The following PCCA variants were observed in gnomAD, a reference collection of about 807,000 sequenced individuals.
PCCA encodes propionyl-CoA carboxylase subunit alpha, also known as propionyl-CoA carboxylase alpha chain, mitochondrial.
In PCCA, 74 loss-of-function variants were observed where a neutral mutation model predicts 101.3. The observed-to-expected ratio is 0.73, with a 90% confidence interval of 0.61 to 0.89. PCCA has a LOEUF of 0.89. Among genes scored for constraint, PCCA ranks in the 40% least tolerant of loss-of-function variants. The pLI, the probability that PCCA is intolerant of heterozygous loss-of-function variation, is 0.00. For missense variants in PCCA, 891 were observed against 907.0 expected, an observed-to-expected ratio of 0.98 and a Z score of 0.23; for synonymous variants, 294 against 313.6, an observed-to-expected ratio of 0.94 and a Z score of 0.66.
intron 21 of PCCA, among the ~76,000 whole-genome samples, chr13:100,497,960 A>G (rs1435270666): frequency 1.3e-5 from 2 of 151,866 alleles, no homozygotes; most frequent in Admixed American, 6.6e-5. Context: ...ACTTCGAACT[A>G]CCGGGCTCAG....
chr13:100,330,208 T>C (rs1320377412), intron 16 of PCCA, among the ~76,000 whole-genome samples: 4 of 152,184 alleles, frequency 2.6e-5, no homozygotes, highest in Admixed American at 2.6e-4. Flanking sequence ...AACTTATTTC[T>C]CATTGAGAAA....
chr13:100,297,225 T>C (rs2065621531), intron 12 of PCCA, among the ~76,000 whole-genome samples: 1 of 152,216 alleles, frequency 6.6e-6, no homozygotes, highest in Non-Finnish European at 1.5e-5. Context: ...CTGTAGACTT[T>C]CTATTTTCCT....
intron 16 of PCCA, among the ~76,000 whole-genome samples, chr13:100,314,016 T>G (rs1305518330): frequency 6.6e-6 from 1 of 152,142 alleles, no homozygotes; most frequent in Non-Finnish European, 1.5e-5. Context: ...TATCTTGCCG[T>G]CTTTCATATT....
At chr13:100,154,531 A>G (rs41281118) in intron 4 of PCCA, 378 of 229,382 alleles carry the variant, frequency 1.6e-3, no homozygotes, top group Admixed American at 6.3e-3. Flanking sequence ...GATGCTGTGC[A>G]GGGACACTCA....
intron 19 of PCCA, among the ~76,000 whole-genome samples, chr13:100,415,230 A>G (rs1595814709): frequency 9.1e-6 from 1 of 109,342 alleles, no homozygotes; most frequent in Non-Finnish European, 1.9e-5. Flanking sequence ...TAGTGAGACC[A>G]CACCTCTACA....
At chr13:100,471,605 A>G (rs1480560340) in intron 21 of PCCA, among the ~76,000 whole-genome samples, 1 of 152,212 alleles carries the variant, frequency 6.6e-6, no homozygotes, top group Non-Finnish European at 1.5e-5. Context: ...CACAGCAAAC[A>G]TTTCACAGTT....
intron 9 of PCCA, 42 bp downstream of exon 9, chr13:100,257,715 T>C (rs750610000): frequency 7.1e-7 from 1 of 1,400,130 alleles, no homozygotes; most frequent in Admixed American, 1.7e-5. Context: ...AAAATTGCAG[T>C]TACCAGAGTT....
chr13:100,386,825 G>A (rs986725214), intron 19 of PCCA, among the ~76,000 whole-genome samples: 1 of 152,216 alleles, frequency 6.6e-6, no homozygotes, highest in Non-Finnish European at 1.5e-5. Flanking sequence ...GTGAGTTGGG[G>A]AGCTGGAGGG....
intron 6 of PCCA, among the ~76,000 whole-genome samples, chr13:100,194,262 C>T (rs1267229393): frequency 6.6e-6 from 1 of 151,984 alleles, no homozygotes; most frequent in East Asian, 1.9e-4. Flanking sequence ...GGATCAAAAA[C>T]TTGATGCATT....
Position 100,174,718 on chromosome 13 carries a change from A to AC in PCCA, c.468+17382dup, listed in dbSNP as rs1430849093. ...ACTCCAGCCTGGGCAACAAAGCAAG[A>AC]CCCCATCTCAAAAAAAAAAAAAAGA... On this transcript the variant is annotated intron_variant, in intron 6 of 23. Coordinates refer to ENST00000376285, the MANE Select transcript of PCCA (RefSeq NM_000282.4). Among the ~76,000 whole-genome samples the AC allele has an allele frequency of 8.2e-4, 117 of 142,990 alleles. 1 individual carries two copies. Among genetic ancestry groups the AC allele is most frequent in the African/African-American group, 3.0e-3 (116 of 38,504 alleles). The allele number at this position is 142,990 out of a possible 152,430, so 93.8% of individuals were successfully genotyped here.
intron 2 of PCCA, among the ~76,000 whole-genome samples, chr13:100,103,608 C>G (rs562886806): frequency 6.7e-6 from 1 of 149,266 alleles, no homozygotes; most frequent in South Asian, 2.1e-4. Context: ...CACCGTGCAC[C>G]TGGCCTCATT....
At chr13:100,092,781 A>G (rs543879580) in intron 1 of PCCA, among the ~76,000 whole-genome samples, 2 of 152,332 alleles carry the variant, frequency 1.3e-5, no homozygotes, top group African/African-American at 4.8e-5. Flanking sequence ...AATATGGAAA[A>G]GAATGTTTAG....
At chr13:100,206,198 A>G (rs908284951) in intron 6 of PCCA, among the ~76,000 whole-genome samples, 1 of 152,130 alleles carries the variant, frequency 6.6e-6, no homozygotes, top group African/African-American at 2.4e-5. Context: ...ACACCAGCAA[A>G]TTCTAGGCAT....
intron 6 of PCCA, among the ~76,000 whole-genome samples, chr13:100,190,973 T>C (rs760386160): frequency 6.6e-6 from 1 of 152,088 alleles, no homozygotes; most frequent in South Asian, 2.1e-4. Flanking sequence ...GGTGTGCGCC[T>C]GTAGTCCCAG....
At chr13:100,465,534 T>C (rs1299829262) in intron 21 of PCCA, among the ~76,000 whole-genome samples, 2 of 152,236 alleles carry the variant, frequency 1.3e-5, no homozygotes, top group African/African-American at 4.8e-5. Flanking sequence ...CAGTCTGAGT[T>C]ATTTCAAGTC....
chr13:100,242,300 A>G (rs2061188080), intron 8 of PCCA, among the ~76,000 whole-genome samples: 1 of 152,238 alleles, frequency 6.6e-6, no homozygotes, highest in African/African-American at 2.4e-5. Context: ...TTTAAGTCCA[A>G]AACTATTCTA....
intron 21 of PCCA, among the ~76,000 whole-genome samples, chr13:100,472,142 C>T (rs2083067854): frequency 6.6e-6 from 1 of 152,202 alleles, no homozygotes; most frequent in African/African-American, 2.4e-5. Flanking sequence ...CTGGCGGCTC[C>T]ACCCGTCCTT....
At chr13:100,107,082 A>G (rs1474420376) in intron 2 of PCCA, among the ~76,000 whole-genome samples, 1 of 152,240 alleles carries the variant, frequency 6.6e-6, no homozygotes, top group Non-Finnish European at 1.5e-5. Context: ...AAGTGCAAGT[A>G]GACTTGGTCT....
At chr13:100,174,873 A>C (rs1409368755) in intron 6 of PCCA, among the ~76,000 whole-genome samples, 2 of 152,096 alleles carry the variant, frequency 1.3e-5, no homozygotes, top group African/African-American at 4.8e-5. Context: ...TCACACAATA[A>C]CATATTAATT....
Sources: gnomAD v4.1 joint callset for allele counts (sites outside exome capture counted in the v4.1 genomes callset) on GRCh38, gnomAD v4.1.1 for gene constraint, MANE v1.5 for transcripts, NCBI Gene and HGNC (gene_info 2026-07-23, HGNC 2026-07-21) for gene names.